Variants in MED12L observed in about 807,000 individuals in gnomAD.
MED12L encodes mediator of RNA polymerase II transcription subunit 12-like protein.
MED12L carries 60 observed loss-of-function variants against 281.3 expected under a neutral mutation model. The ratio of observed to expected loss-of-function variants is 0.21; its 90% CI spans 0.17 to 0.26. The LOEUF is 0.26. MED12L is among the 10% of genes least tolerant of loss of function. The pLI is 1.00. For missense variants in MED12L, 2,146 were observed against 2,680.9 expected (o/e 0.80, Z 4.41); for synonymous variants, 974 against 987.2 (o/e 0.99, Z 0.25).
chr3:151,315,362 C>A (rs548048235), intron 16 of MED12L, among the ~76,000 whole-genome samples: 2 of 152,300 alleles, frequency 1.3e-5, no homozygotes, highest in Admixed American at 1.3e-4. Flanking sequence ...CTTTTCCCAC[C>A]CACATCTCTG....
intron 33 of MED12L, among the ~76,000 whole-genome samples, chr3:151,383,488 C>A (rs1258772326): frequency 3.3e-5 from 5 of 152,314 alleles, no homozygotes; most frequent in Non-Finnish European, 2.9e-5. Context: ...CATCATAAAA[C>A]TGGACATCAT....
intron 36 of MED12L, 124 bp downstream of exon 36, chr3:151,385,315 T>G: frequency 1.7e-6 from 1 of 574,656 alleles, no homozygotes; most frequent in South Asian, 2.9e-5. Flanking sequence ...AGGCATATGC[T>G]TGTCTTCTAA....
intron 16 of MED12L, among the ~76,000 whole-genome samples, chr3:151,304,467 G>A (rs908239907): frequency 6.6e-6 from 1 of 152,022 alleles, no homozygotes; most frequent in African/African-American, 2.4e-5. Context: ...CCAGCTATTC[G>A]GGAGGCTGAG....
intron 16 of MED12L, chr3:151,300,068 T>A: frequency 1.3e-6 from 2 of 1,594,948 alleles, no homozygotes; most frequent in Non-Finnish European, 1.7e-6. Context: ...ACGGCTTACT[T>A]GGTAATTTTG....
In MED12L at chr3:151,338,589, T is replaced by C. The variant is rs540492659; in HGVS notation, c.2251-11470T>C. 1.1e-5 allele frequency: 18 copies of C among 1,614,028 alleles called. No homozygotes were observed. The African/African-American group carries it at 1.5e-4, about 13-fold the overall frequency. ...AGTTCTCAGTGGTCCTGTTCCCAGT[T>C]TGGCATCACTAAGAATTTTGAATGG... On this transcript the variant is annotated intron_variant, in intron 16 of 44. Coordinates refer to ENST00000687756, the MANE Select transcript of MED12L (RefSeq NM_001393769.1).
chr3:151,178,181 A>AAAAAAAAAAAAAAAAAAAAAG (rs1560124057), intron 11 of MED12L, among the ~76,000 whole-genome samples: 1 of 149,332 alleles, frequency 6.7e-6, no homozygotes, highest in African/African-American at 2.5e-5. Flanking sequence ...AAAAAAAAAA[A>AAAAAAAAAAAAAAAAAAAAAG]AAAGAAAGTG....
chr3:151,202,873 A>G (rs1725827321), intron 16 of MED12L, among the ~76,000 whole-genome samples: 2 of 152,326 alleles, frequency 1.3e-5, no homozygotes, highest in African/African-American at 4.8e-5. Flanking sequence ...TCGCTCAGGT[A>G]TTCAGTCTGG....
intron 3 of MED12L, among the ~76,000 whole-genome samples, chr3:151,121,501 A>G (rs572906095): frequency 6.6e-6 from 1 of 152,318 alleles, no homozygotes; most frequent in South Asian, 2.1e-4. Context: ...TTATTGACTC[A>G]TTAACTAAGG....
intron 16 of MED12L, among the ~76,000 whole-genome samples, chr3:151,307,360 G>C (rs1244560902): frequency 2.0e-5 from 3 of 152,176 alleles, no homozygotes; most frequent in African/African-American, 7.2e-5. Flanking sequence ...CATGGAGTTA[G>C]TCTCCTAAAT....
intron 12 of MED12L, 168 bp from the exon 13 acceptor site, chr3:151,188,186 G>T: frequency 2.1e-6 from 1 of 484,748 alleles, no homozygotes; most frequent in East Asian, 3.4e-5. Context: ...CTTGGATGGA[G>T]AAATTATATT....
At chr3:151,118,168 T>C (rs1228489377) in intron 3 of MED12L, among the ~76,000 whole-genome samples, 1 of 151,830 alleles carries the variant, frequency 6.6e-6, no homozygotes, top group Non-Finnish European at 1.5e-5. Flanking sequence ...TTTTTATATA[T>C]ATATTTTGAG....
At chr3:151,389,895 C>A in intron 37 of MED12L, 84 bp from the exon 38 acceptor site, 1 of 1,378,022 alleles carries the variant, frequency 7.3e-7, no homozygotes, top group Non-Finnish European at 1.0e-6. Context: ...GGAGGTACCT[C>A]AGATAGCTTA....
chr3:151,369,610 T>G (rs1339551818), intron 26 of MED12L, 61 bp downstream of exon 26: 1 of 1,101,070 alleles, frequency 9.1e-7, no homozygotes, highest in Non-Finnish European at 1.3e-6. Flanking sequence ...CAAAATAATT[T>G]ATTTTCAGGT....
chr3:151,287,297 A>G (rs1218731586), intron 16 of MED12L, among the ~76,000 whole-genome samples: 6 of 152,218 alleles, frequency 3.9e-5, no homozygotes, highest in African/African-American at 7.2e-5. Flanking sequence ...AGGTCTGCCT[A>G]CCTCCAAAAT....
rs533357638 is a variant in MED12L, at chr3:151,170,829, C to T, written c.1494+4847C>T. Among the ~76,000 whole-genome samples the T allele has an allele frequency of 3.8e-4, 58 of 152,156 alleles. No homozygotes were observed. The South Asian group carries it at 0.01, about 27-fold the overall frequency. Reference sequence around the variant, plus strand: ...GGCCAGGCAGGTAGTGGGAATGAGTCGGGGGATGCTATGTATAAGGCAGCC... The same window carrying T: ...GGCCAGGCAGGTAGTGGGAATGAGTTGGGGGATGCTATGTATAAGGCAGCC... On this transcript the variant is annotated intron_variant, in intron 11 of 44. Coordinates refer to ENST00000687756, the MANE Select transcript of MED12L (RefSeq NM_001393769.1).
rs533204721 is a variant in MED12L at position 151,350,683 on chromosome 3, C to T, written c.2398+477C>T. On this transcript the variant is annotated intron_variant, in intron 17 of 44. Transcript: ENST00000687756. ...CAGCATATTTGCTCACCTTTTCTTGCATTATTGAGAAAAATGATTGCAGTA... is the reference window on the plus strand; with the variant it reads ...CAGCATATTTGCTCACCTTTTCTTGTATTATTGAGAAAAATGATTGCAGTA... Among the ~76,000 whole-genome samples, 7 of 152,186 alleles carry T rather than the reference C, an allele frequency of 4.6e-5. No homozygotes were observed. The East Asian group carries it at 9.7e-4, about 21-fold the overall frequency.
rs531917302 is a variant in MED12L at position 151,352,535 on chromosome 3, A to G, written c.2398+2329A>G. Among the ~76,000 whole-genome samples the G allele has an allele frequency of 1.2e-4, 19 of 152,338 alleles. No individual in the cohort carries two copies. The South Asian group carries it at 3.7e-3, about 30-fold the overall frequency. On this transcript the variant is annotated intron_variant, in intron 17 of 44. Transcript: ENST00000687756. Reference sequence around the variant, plus strand: ...CTAACTGTACTTCATATTAATGGAAATATGCCCACTTTTTTCAGCAACATG... The same window carrying G: ...CTAACTGTACTTCATATTAATGGAAGTATGCCCACTTTTTTCAGCAACATG...
Position 151,436,017 on chromosome 3 carries a change from T to G in MED12L, c.*3213T>G, listed in dbSNP as rs1577652888. ...GTATTTTTAAAACCTTTTTAATGGG[T>G]GTATTTGGACAAAAATAACCCCCTT... On this transcript the variant is annotated 3_prime_UTR_variant, in exon 45 of 45. Transcript: ENST00000687756. The G allele has an allele frequency of 6.6e-6, 1 of 152,276 alleles. No homozygotes were observed. Among genetic ancestry groups the G allele is most frequent in the East Asian group, 1.9e-4 (1 of 5,186 alleles). 9.4% of individuals were successfully genotyped at this position (152,276 alleles called of 1,614,324 possible).
intron 41 of MED12L, 29 bp from the exon 42 acceptor site, chr3:151,413,110 C>A (rs566192971): frequency 6.3e-7 from 1 of 1,599,214 alleles, no homozygotes; most frequent in South Asian, 1.1e-5. Context: ...ATGCTTGGGC[C>A]TGAACCAAGT....
Sources: gnomAD v4.1 joint callset for allele counts (sites outside exome capture counted in the v4.1 genomes callset) on GRCh38, gnomAD v4.1.1 for gene constraint, MANE v1.5 for transcripts, NCBI Gene and HGNC (gene_info 2026-07-23, HGNC 2026-07-21) for gene names.